Variants in KIAA1958 observed in about 807,000 individuals in gnomAD.
The protein encoded by KIAA1958 is uncharacterized protein KIAA1958.
A neutral mutation model predicts 47.2 loss-of-function variants in KIAA1958; 14 were observed. The ratio of observed to expected loss-of-function variants is 0.30; its 90% CI spans 0.20 to 0.46. KIAA1958 has a LOEUF of 0.46. KIAA1958 is among the 20% of genes least tolerant of loss of function. The pLI is 1.00. For missense variants in KIAA1958, 803 were observed against 909.2 expected, an observed-to-expected ratio of 0.88 and a Z score of 1.50; for synonymous variants, 354 against 353.3, an observed-to-expected ratio of 1.00 and a Z score of -0.02.
At chr9:112,541,241 G>T (rs1834936641) in intron 1 of KIAA1958, among the ~76,000 whole-genome samples, 1 of 151,748 alleles carries the variant, frequency 6.6e-6, no homozygotes, top group Non-Finnish European at 1.5e-5. Flanking sequence ...TCTTGTTTCA[G>T]TTTCAAAGTT....
intron 2 of KIAA1958, among the ~76,000 whole-genome samples, chr9:112,579,643 A>C (rs1201792922): frequency 6.6e-6 from 1 of 151,668 alleles, no homozygotes; most frequent in East Asian, 1.9e-4. Context: ...TATTTGTATA[A>C]ATTTATGGTG....
intron 2 of KIAA1958, among the ~76,000 whole-genome samples, chr9:112,603,152 A>G (rs1836164470): frequency 6.6e-6 from 1 of 152,328 alleles, no homozygotes; most frequent in East Asian, 1.9e-4. Flanking sequence ...AGATGTATGG[A>G]AGAACTTAAC....
In KIAA1958 at chr9:112,504,101, G is replaced by C. The variant is rs901699644; in HGVS notation, c.-25+16983G>C. 5.3e-5 allele frequency among the ~76,000 whole-genome samples: 8 copies of C among 152,012 alleles called. No individual in the cohort carries two copies. In the East Asian group the frequency reaches 1.5e-3, roughly 29 times the overall value. On this transcript the variant is annotated intron_variant, in intron 1 of 3. Coordinates refer to ENST00000337530, the MANE Select transcript of KIAA1958 (RefSeq NM_133465.4). ...CTGGCTTTATTGATGGTGGGCAACAGTGTCTTAAATCATCTAAGGAGTTGT... is the reference window on the plus strand; with the variant it reads ...CTGGCTTTATTGATGGTGGGCAACACTGTCTTAAATCATCTAAGGAGTTGT...
At chr9:112,656,789 T>C (rs1837159575) in intron 3 of KIAA1958, among the ~76,000 whole-genome samples, 1 of 152,232 alleles carries the variant, frequency 6.6e-6, no homozygotes, top group Non-Finnish European at 1.5e-5. Context: ...TTACCTTTTA[T>C]TGAACCCATT....
chr9:112,570,765 A>G (rs979294870), intron 1 of KIAA1958, among the ~76,000 whole-genome samples: 3 of 152,202 alleles, frequency 2.0e-5, no homozygotes, highest in Non-Finnish European at 4.4e-5. Context: ...TATTAGGGGA[A>G]TTGGCTCATG....
At chr9:112,605,469 C>G (rs1836215041) in intron 2 of KIAA1958, among the ~76,000 whole-genome samples, 1 of 152,088 alleles carries the variant, frequency 6.6e-6, no homozygotes, top group African/African-American at 2.4e-5. Flanking sequence ...AGACATCAGC[C>G]CAGCCCCTGC....
rs1321182086 is a variant in KIAA1958, at chr9:112,663,661, T to C, written c.*3592T>C. On this transcript the variant is annotated 3_prime_UTR_variant, in exon 4 of 4. Coordinates refer to ENST00000337530, the MANE Select transcript of KIAA1958 (RefSeq NM_133465.4). ...GCTTTATGAGAAGGTTTTTCCATTG[T>C]TTAGTGTGTTTGCAAAAAGGAATTT... is the stretch of plus-strand genomic sequence containing the variant. The C allele has an allele frequency of 6.6e-6, 1 of 152,168 alleles. No homozygotes were observed. Among genetic ancestry groups the C allele is most frequent in the South Asian group, 2.1e-4 (1 of 4,830 alleles). 9.4% of individuals were successfully genotyped at this position (152,168 alleles called of 1,614,324 possible).
At chr9:112,564,688 T>C (rs944224308) in intron 1 of KIAA1958, among the ~76,000 whole-genome samples, 1 of 152,220 alleles carries the variant, frequency 6.6e-6, no homozygotes, top group South Asian at 2.1e-4. Context: ...ACATAAAATT[T>C]ATAGTTCTGA....
At chr9:112,537,015 C>G (rs926873765) in intron 1 of KIAA1958, among the ~76,000 whole-genome samples, 2 of 152,128 alleles carry the variant, frequency 1.3e-5, no homozygotes, top group Non-Finnish European at 2.9e-5. Context: ...TAAAAGTTAT[C>G]AGTAAGAAGA....
At chr9:112,542,558 G>A (rs190049481) in intron 1 of KIAA1958, among the ~76,000 whole-genome samples, 1 of 152,334 alleles carries the variant, frequency 6.6e-6, no homozygotes, top group Non-Finnish European at 1.5e-5. Context: ...GAAGCAGAGT[G>A]TAAATCATTC....
chr9:112,517,483 T>A (rs1391480580), intron 1 of KIAA1958, among the ~76,000 whole-genome samples: 1 of 152,214 alleles, frequency 6.6e-6, no homozygotes, highest in Non-Finnish European at 1.5e-5. Flanking sequence ...CCTAATATTG[T>A]AAAATTTCTG....
chr9:112,555,815 C>T (rs1383598157), intron 1 of KIAA1958, among the ~76,000 whole-genome samples: 1 of 152,202 alleles, frequency 6.6e-6, no homozygotes, highest in African/African-American at 2.4e-5. Flanking sequence ...TGGCTCACGC[C>T]TGTAATCCTA....
chr9:112,614,575 A>T (rs1196484701), intron 2 of KIAA1958, among the ~76,000 whole-genome samples: 1 of 152,120 alleles, frequency 6.6e-6, no homozygotes, highest in Admixed American at 6.5e-5. Flanking sequence ...TGACTTTAAA[A>T]CTATTTCTTT....
At chr9:112,526,738 A>T (rs1019621991) in intron 1 of KIAA1958, among the ~76,000 whole-genome samples, 1 of 152,180 alleles carries the variant, frequency 6.6e-6, no homozygotes, top group Non-Finnish European at 1.5e-5. Flanking sequence ...CACACCCATG[A>T]AGGTGGAACC....
chr9:112,557,427 G>A (rs1441116626), intron 1 of KIAA1958, among the ~76,000 whole-genome samples: 1 of 152,178 alleles, frequency 6.6e-6, no homozygotes, highest in African/African-American at 2.4e-5. Flanking sequence ...CCTAAGCAGT[G>A]TATTTGTGTA....
chr9:112,576,574 A>G (rs1835650276), intron 2 of KIAA1958, among the ~76,000 whole-genome samples: 1 of 152,084 alleles, frequency 6.6e-6, no homozygotes, highest in Non-Finnish European at 1.5e-5. Flanking sequence ...TTCCTATTCT[A>G]TATGTTTCAT....
At chr9:112,531,485 ACTAT>A (rs1334448433) in intron 1 of KIAA1958, among the ~76,000 whole-genome samples, 2 of 152,360 alleles carry the variant, frequency 1.3e-5, no homozygotes, top group South Asian at 2.1e-4. Flanking sequence ...GTTAACAGAG[ACTAT>A]CTATTAAGTC....
rs1251146434 is a variant in KIAA1958, at chr9:112,660,563, G to A, written c.*494G>A. On this transcript the variant is annotated 3_prime_UTR_variant, in exon 4 of 4. Transcript: ENST00000337530. ...CCAGGAGACAGATTGCGCTTGATGC[G>A]CCTTTTTTTTCTGTTGGTGGATAAG... is the stretch of plus-strand genomic sequence containing the variant. The A allele has an allele frequency of 1.9e-5, 3 of 157,826 alleles. No homozygotes were observed. The highest frequency in any genetic ancestry group is 4.2e-5 in the Non-Finnish European group (3 of 71,262). The allele number at this position is 157,826 out of a possible 1,614,324, so 9.8% of individuals were successfully genotyped here.
rs1437494946 is a variant in KIAA1958, at chr9:112,526,321, T to A, written c.-25+39203T>A. On this transcript the variant is annotated intron_variant, in intron 1 of 3. Transcript: ENST00000337530. Reference sequence around the variant, plus strand: ...CAGACTGAAGTGCAGTGGCACTGTCTCGGCACACTGCACTCTCCACCTCCT... The same window carrying A: ...CAGACTGAAGTGCAGTGGCACTGTCACGGCACACTGCACTCTCCACCTCCT... 2.0e-5 allele frequency among the ~76,000 whole-genome samples: 3 copies of A among 152,106 alleles called. No homozygotes were observed. In the East Asian group the frequency reaches 5.8e-4, roughly 30 times the overall value.
Sources: gnomAD v4.1 joint callset for allele counts (sites outside exome capture counted in the v4.1 genomes callset) on GRCh38, gnomAD v4.1.1 for gene constraint, MANE v1.5 for transcripts, NCBI Gene and HGNC (gene_info 2026-07-23, HGNC 2026-07-21) for gene names.